SLC24A2: variants seen among roughly 807,000 people sequenced by gnomAD.
The protein encoded by SLC24A2 is solute carrier family 24 member 2, also known as sodium/potassium/calcium exchanger 2.
Under a neutral mutation model 62.0 loss-of-function variants are expected in SLC24A2, and 36 were observed. The observed-to-expected ratio is 0.58, with a 90% CI of 0.44 to 0.77. The LOEUF (loss-of-function observed/expected upper bound fraction) is 0.77, where lower values mean the gene tolerates loss of function less well. SLC24A2 is among the 30% of genes least tolerant of loss of function. The pLI, the probability that SLC24A2 is intolerant of heterozygous loss-of-function variation, is 0.00. For synonymous variants in SLC24A2, 358 were observed against 294.0 expected (o/e 1.22, Z -2.23); for missense variants, 846 against 817.9 (o/e 1.03, Z -0.42).
At chr9:20,286,794 G>A in the SLC24A2 span, among the ~76,000 whole-genome samples, 1 of 152,176 alleles carries the variant, frequency 6.6e-6, no homozygotes, top group Non-Finnish European at 1.5e-5. Context: ...GGACTCTCCT[G>A]AACAAAGTGT....
At chr9:20,044,230 T>C in the SLC24A2 span, among the ~76,000 whole-genome samples, 1 of 152,220 alleles carries the variant, frequency 6.6e-6, no homozygotes, top group Non-Finnish European at 1.5e-5. Flanking sequence ...ACGTAACTTT[T>C]ACATGCACGA....
In SLC24A2 at chr9:19,512,003, C is replaced by A. The variant is rs1373805423; in HGVS notation, c.*4150G>T. The A allele has an allele frequency of 6.6e-6, 1 of 152,224 alleles. No individual in the cohort carries two copies. Among genetic ancestry groups the A allele is most frequent in the African/African-American group, 2.4e-5 (1 of 41,454 alleles). The allele number at this position is 152,224 out of a possible 1,614,324, so 9.4% of individuals were successfully genotyped here. On this transcript the variant is annotated 3_prime_UTR_variant, in exon 11 of 11. Coordinates refer to ENST00000341998, the MANE Select transcript of SLC24A2 (RefSeq NM_020344.4). ...TCTGCAGAGCATTTAATGCAACTTC[C>A]ATCTTCTTCAGCTCTATCTGGCCAG...
At chr9:19,951,112 T>C in the SLC24A2 span, among the ~76,000 whole-genome samples, 1 of 152,162 alleles carries the variant, frequency 6.6e-6, no homozygotes, top group African/African-American at 2.4e-5. Context: ...CCAGGAAGTA[T>C]CACTTCATCA....
At chr9:20,267,836 G>A in the SLC24A2 span, among the ~76,000 whole-genome samples, 2 of 152,152 alleles carry the variant, frequency 1.3e-5, no homozygotes, top group Admixed American at 1.3e-4. Context: ...AAGAAGAGTG[G>A]GTGAATGAGT....
At position 19,510,177 on chromosome 9, in the gene SLC24A2, T is replaced by C. The variant is rs1464223993; in HGVS notation, c.*5976A>G. The C allele has an allele frequency of 6.6e-6, 1 of 152,110 alleles. No individual in the cohort carries two copies. The highest frequency in any genetic ancestry group is 1.5e-5 in the Non-Finnish European group (1 of 68,030). 9.4% of individuals were successfully genotyped at this position (152,110 alleles called of 1,614,324 possible). A position where few individuals can be genotyped will look rare whatever the true frequency, so the allele number is the denominator to read the frequency against. ...TGACCTTGACTTCACCAGAGCTTCA[T>C]GGTCATGCTGCACCCAGTATAGTTC... is the stretch of plus-strand genomic sequence containing the variant. On this transcript the variant is annotated 3_prime_UTR_variant, in exon 11 of 11. Coordinates refer to ENST00000341998, the MANE Select transcript of SLC24A2 (RefSeq NM_020344.4).
chr9:19,685,224 A>G (rs1819845617), intron 2 of SLC24A2, among the ~76,000 whole-genome samples: 1 of 152,136 alleles, frequency 6.6e-6, no homozygotes, highest in South Asian at 2.1e-4. Flanking sequence ...GATCTCTACA[A>G]TGAGAATTAC....
the SLC24A2 span, among the ~76,000 whole-genome samples, chr9:20,078,550 CTG>C: frequency 4.6e-5 from 7 of 152,166 alleles, no homozygotes; most frequent in African/African-American, 1.4e-4. Flanking sequence ...GCTTCAATAA[CTG>C]TAGCTGTGTG....
chr9:20,130,377 G>C, the SLC24A2 span, among the ~76,000 whole-genome samples: 1 of 151,940 alleles, frequency 6.6e-6, no homozygotes, highest in Non-Finnish European at 1.5e-5. Context: ...GGGAGAGAGG[G>C]GGATCTAGTT....
At chr9:20,184,878 TA>T in the SLC24A2 span, among the ~76,000 whole-genome samples, 203 of 152,016 alleles carry the variant, frequency 1.3e-3, no homozygotes, top group Non-Finnish European at 2.4e-3. Flanking sequence ...ATGAATGGAT[TA>T]AAAAAAATGT....
At chr9:19,565,801 A>T (rs950886589) in intron 7 of SLC24A2, among the ~76,000 whole-genome samples, 5 of 152,198 alleles carry the variant, frequency 3.3e-5, no homozygotes, top group African/African-American at 1.2e-4. Flanking sequence ...AGCCCCCACT[A>T]ATAATACCAC....
chr9:20,001,162 G>A, the SLC24A2 span, among the ~76,000 whole-genome samples: 2 of 152,216 alleles, frequency 1.3e-5, no homozygotes, highest in Non-Finnish European at 2.9e-5. Context: ...TCTGATGGCA[G>A]AGCCTGCATT....
chr9:19,698,295 T>C (rs1444328913), intron 2 of SLC24A2, among the ~76,000 whole-genome samples: 1 of 152,158 alleles, frequency 6.6e-6, no homozygotes, highest in Non-Finnish European at 1.5e-5. Context: ...AAATATTGTA[T>C]AAAATCACCT....
chr9:20,125,962 C>T, the SLC24A2 span, among the ~76,000 whole-genome samples: 1 of 152,182 alleles, frequency 6.6e-6, no homozygotes. Context: ...GAGGGGAGGG[C>T]TGGTGCTGGC....
chr9:20,011,568 C>T, the SLC24A2 span, among the ~76,000 whole-genome samples: 2 of 152,050 alleles, frequency 1.3e-5, no homozygotes, highest in African/African-American at 2.4e-5. Context: ...AATTGTGGGA[C>T]ACCATCAAGA....
At chr9:20,081,875 A>T in the SLC24A2 span, among the ~76,000 whole-genome samples, 1 of 152,258 alleles carries the variant, frequency 6.6e-6, no homozygotes, top group South Asian at 2.1e-4. Flanking sequence ...TATTCTAATT[A>T]ATGTTATTTC....
the SLC24A2 span, chr9:19,895,832 G>T: frequency 2.5e-6 from 4 of 1,605,430 alleles, no homozygotes; most frequent in Non-Finnish European, 3.4e-6. Context: ...TGGAAGGACC[G>T]CTCCTCAGGG....
the SLC24A2 span, among the ~76,000 whole-genome samples, chr9:20,184,168 G>A: frequency 1.8e-4 from 28 of 152,294 alleles, no homozygotes; most frequent in East Asian, 3.9e-3. Context: ...ATGAAAAAAT[G>A]CTCAGCCACA....
chr9:20,057,952 C>A, the SLC24A2 span, among the ~76,000 whole-genome samples: 1 of 152,096 alleles, frequency 6.6e-6, no homozygotes, highest in Non-Finnish European at 1.5e-5. Flanking sequence ...ATGTTATTTT[C>A]CATTGGATTT....
chr9:19,868,553 C>T, the SLC24A2 span, among the ~76,000 whole-genome samples: 2 of 152,166 alleles, frequency 1.3e-5, no homozygotes, highest in Non-Finnish European at 2.9e-5. Context: ...TTCTGTCTAG[C>T]TGTTCTTTCC....
Sources: gnomAD v4.1 joint callset for allele counts (sites outside exome capture counted in the v4.1 genomes callset) on GRCh38, gnomAD v4.1.1 for gene constraint, MANE v1.5 for transcripts, NCBI Gene and HGNC (gene_info 2026-07-23, HGNC 2026-07-21) for gene names.